CENPI: variants seen among roughly 807,000 people sequenced by gnomAD.
CENPI encodes FSH primary response 1.
CENPI carries 4 observed loss-of-function variants against 60.4 expected under a neutral mutation model. The observed-to-expected ratio is 0.07, with a 90% CI of 0.03 to 0.15. The LOEUF is 0.15. Ranked by LOEUF, CENPI falls within the 10% of genes least tolerant of loss-of-function variation. The pLI is 1.00. For missense variants in CENPI, 444 were observed against 534.5 expected, an observed-to-expected ratio of 0.83 and a Z score of 1.67; for synonymous variants, 157 against 189.4, an observed-to-expected ratio of 0.83 and a Z score of 1.40.
At chrX:101,110,553 C>T (rs2089543144) in intron 6 of CENPI, among the ~76,000 whole-genome samples, 1 of 112,247 alleles carries the variant, frequency 8.9e-6, no homozygotes, top group African/African-American at 3.2e-5. Context: ...CTTTCAAGGA[C>T]CATCAGTAGT....
At chrX:101,161,726 G>A (rs1377285080) in intron 21 of CENPI, among the ~76,000 whole-genome samples, 157 bp downstream of exon 21, 2 of 111,680 alleles carry the variant, frequency 1.8e-5, no homozygotes, top group Non-Finnish European at 3.8e-5. Context: ...TGACTTTAAT[G>A]TGAATTTATT....
chrX:101,173,336 T>TTC, the CENPI span, among the ~76,000 whole-genome samples: 1 of 93,937 alleles, frequency 1.1e-5, no homozygotes, highest in African/African-American at 3.9e-5. Context: ...TTTTTTTTTT[T>TTC]CTGGAGGCGG....
At chrX:101,143,328 A>G (rs2089932156) in intron 16 of CENPI, among the ~76,000 whole-genome samples, 1 of 111,209 alleles carries the variant, frequency 9.0e-6, no homozygotes, top group South Asian at 3.8e-4. Flanking sequence ...TTCCTAATCC[A>G]TTTAACATTG....
chrX:101,152,993 A>G (rs138709312), intron 20 of CENPI, among the ~76,000 whole-genome samples: 16,261 of 107,569 alleles, frequency 0.15, 1,183 homozygotes, highest in Non-Finnish European at 0.22. Flanking sequence ...TCTATGTTTA[A>G]CCACTGGAAG....
intron 6 of CENPI, among the ~76,000 whole-genome samples, chrX:101,111,459 A>G (rs1197734246): frequency 9.0e-6 from 1 of 110,877 alleles, no homozygotes; most frequent in Non-Finnish European, 1.9e-5. Flanking sequence ...ACTGCTGGCC[A>G]TTTAACAGGA....
rs181251801 is a variant in CENPI at position 101,136,310 on chromosome X, C to T, written c.1470+3854C>T. On this transcript the variant is annotated intron_variant, in intron 15 of 21. Coordinates refer to ENST00000682095, the MANE Select transcript of CENPI (RefSeq NM_001386188.2). ...AATATGAAGGTGTATGTTTAGGTTACCACAGAACAGAGGTTCTGGATACTG... is the reference window on the plus strand; with the variant it reads ...AATATGAAGGTGTATGTTTAGGTTATCACAGAACAGAGGTTCTGGATACTG... 4.1e-3 allele frequency among the ~76,000 whole-genome samples: 458 copies of T among 111,226 alleles called. 1 individual carries two copies. Among genetic ancestry groups the T allele is most frequent in the Middle Eastern group, 9.1e-3 (2 of 219 alleles).
At chrX:101,120,993 AC>A (rs1401920397) in intron 8 of CENPI, among the ~76,000 whole-genome samples, 1 of 106,347 alleles carries the variant, frequency 9.4e-6, no homozygotes, top group East Asian at 3.0e-4. Flanking sequence ...CTCCTGCCTT[AC>A]CCTCCCGAGT....
chrX:101,166,732 A>G (rs1308429852), downstream of CENPI, among the ~76,000 whole-genome samples: 2 of 112,583 alleles, frequency 1.8e-5, no homozygotes, highest in Non-Finnish European at 3.8e-5. Flanking sequence ...ACTAAAGAAT[A>G]CTAAAGTTGC....
chrX:101,143,069 C>CAAA (rs5903179), intron 16 of CENPI, among the ~76,000 whole-genome samples: 851 of 64,804 alleles, frequency 0.013, 14 homozygotes, highest in Middle Eastern at 0.059. Context: ...GACTCCATCT[C>CAAA]AAAAAAAAAA....
chrX:101,170,018 A>G (rs745871397), downstream of CENPI, among the ~76,000 whole-genome samples: 4 of 112,175 alleles, frequency 3.6e-5, no homozygotes, highest in Non-Finnish European at 7.5e-5. Context: ...AATTTATTGA[A>G]GAAAAGCTTT....
chrX:101,104,465 G>A (rs1344250941), intron 4 of CENPI, among the ~76,000 whole-genome samples: 3 of 111,613 alleles, frequency 2.7e-5, no homozygotes, highest in Non-Finnish European at 5.6e-5. Context: ...TTAAAGGTGA[G>A]GAAAAAGAGG....
At chrX:101,139,772 C>T (rs745939988) in intron 15 of CENPI, among the ~76,000 whole-genome samples, 3 of 109,011 alleles carry the variant, frequency 2.8e-5, no homozygotes, top group African/African-American at 6.7e-5. Flanking sequence ...ATAGATATTA[C>T]GGTTTATCAT....
downstream of CENPI, among the ~76,000 whole-genome samples, chrX:101,167,971 G>T (rs1280286262): frequency 3.6e-5 from 4 of 111,790 alleles, no homozygotes; most frequent in African/African-American, 9.7e-5. Context: ...GCAAGACCCT[G>T]GCCCTTCCTG....
chrX:101,119,931 G>GATCACTTGAGGCCAGGAGT (rs2089659742), intron 6 of CENPI, among the ~76,000 whole-genome samples: 1 of 111,495 alleles, frequency 9.0e-6, no homozygotes, highest in Non-Finnish European at 1.9e-5. Context: ...GAGTCAGGAG[G>GATCACTTGAGGCCAGGAGT]ATCACTTGAG....
rs1467341238 is a variant in CENPI at position 101,103,230 on chromosome X, G to A, written c.364+819G>A. ...AGACTGGTCTTGAACTCCTGACCTC[G>A]TGATCCACCCGCCTCGGCCTCCCAA... is the stretch of plus-strand genomic sequence containing the variant. On this transcript the variant is annotated intron_variant, in intron 4 of 21. Coordinates refer to ENST00000682095, the MANE Select transcript of CENPI (RefSeq NM_001386188.2). Among the ~76,000 whole-genome samples the A allele has an allele frequency of 1.6e-4, 18 of 109,541 alleles. No homozygotes were observed. The Admixed American group carries it at 1.7e-3, about 10-fold the overall frequency.
intron 16 of CENPI, chrX:101,141,089 T>A (rs1367281649): frequency 8.0e-6 from 1 of 125,361 alleles, no homozygotes; most frequent in Non-Finnish European, 1.6e-5. Flanking sequence ...TATATTCTTA[T>A]ATTTAAAGCC....
At chrX:101,104,418 A>G (rs1038536945) in intron 4 of CENPI, among the ~76,000 whole-genome samples, 1 of 112,491 alleles carries the variant, frequency 8.9e-6, no homozygotes, top group Non-Finnish European at 1.9e-5. Context: ...ATTTAAATTC[A>G]GACTTGGAAG....
intron 21 of CENPI, among the ~76,000 whole-genome samples, chrX:101,162,473 A>AAAAAATATATATATATATATAT (rs1303045267): frequency 1.5e-5 from 1 of 68,129 alleles, no homozygotes; most frequent in African/African-American, 6.9e-5. Flanking sequence ...AAAAAAAAAA[A>AAAAAATATATATATATATATAT]ATATATATAT....
intron 8 of CENPI, among the ~76,000 whole-genome samples, chrX:101,124,512 G>A (rs1190809446): frequency 9.0e-6 from 1 of 111,384 alleles, no homozygotes; most frequent in Non-Finnish European, 1.9e-5. Flanking sequence ...GGCAGCCTGT[G>A]GACCAGCCAA....
Sources: gnomAD v4.1 joint callset for allele counts (sites outside exome capture counted in the v4.1 genomes callset) on GRCh38, gnomAD v4.1.1 for gene constraint, MANE v1.5 for transcripts, NCBI Gene and HGNC (gene_info 2026-07-23, HGNC 2026-07-21) for gene names.